The following NPAS3 variants were observed in gnomAD, a reference collection of about 807,000 sequenced individuals.
The protein encoded by NPAS3 is neuronal PAS domain-containing protein 3.
In NPAS3, 14 loss-of-function variants were observed where a neutral mutation model predicts 73.1. That is an observed-to-expected ratio of 0.19 (90% CI 0.13 to 0.30). NPAS3 has a LOEUF of 0.30. Among genes scored for constraint, NPAS3 ranks in the 10% least tolerant of loss-of-function variants. NPAS3 has a pLI of 1.00. For missense variants in NPAS3, 1,096 were observed against 1,250.0 expected (o/e 0.88, Z 1.86); for synonymous variants, 620 against 541.5 (o/e 1.14, Z -2.01).
exon 11 of NPAS3, chr14:33,797,487 C>G (rs369145801): frequency 1.2e-6 from 2 of 1,614,096 alleles, no homozygotes; most frequent in African/African-American, 2.7e-5. Flanking sequence ...CACCCATGGA[C>G]ATCGCACAGC....
chr14:33,439,118 G>C (rs1378643953), intron 4 of NPAS3, among the ~76,000 whole-genome samples: 1 of 151,606 alleles, frequency 6.6e-6, no homozygotes, highest in Non-Finnish European at 1.5e-5. Context: ...AAAATCCAAA[G>C]CATTTTGCAG....
intron 2 of NPAS3, among the ~76,000 whole-genome samples, chr14:33,197,778 G>A (rs771102055): frequency 9.9e-5 from 15 of 152,154 alleles, no homozygotes; most frequent in Non-Finnish European, 2.2e-4. Flanking sequence ...CTGCCATCTT[G>A]AATCCTTTCT....
At chr14:33,657,417 G>A (rs1302181350) in intron 5 of NPAS3, among the ~76,000 whole-genome samples, 1 of 152,184 alleles carries the variant, frequency 6.6e-6, no homozygotes, top group Non-Finnish European at 1.5e-5. Context: ...CAGACATAAA[G>A]AAGCCTGAAT....
chr14:33,631,257 A>G (rs1039092411), intron 5 of NPAS3, among the ~76,000 whole-genome samples: 2 of 152,242 alleles, frequency 1.3e-5, no homozygotes, highest in African/African-American at 2.4e-5. Context: ...AGTGGAGCCC[A>G]CATTTACGTA....
Position 32,984,444 on chromosome 14 carries a change from C to T in NPAS3, c.50+45078C>T, listed in dbSNP as rs535314309. Among the ~76,000 whole-genome samples, 3 of 152,232 alleles carry T rather than the reference C, an allele frequency of 2.0e-5. No homozygotes were observed. In the East Asian group the frequency reaches 5.8e-4, roughly 29 times the overall value. ...TAAGAGGGAAAGAGATGAACTGTAA[C>T]AGAGATCTGGTTTTTCATCAACATT... On this transcript the variant is annotated intron_variant, in intron 1 of 11. Transcript: ENST00000356141.
intron 3 of NPAS3, among the ~76,000 whole-genome samples, chr14:33,365,450 T>A (rs2045799734): frequency 6.6e-6 from 1 of 152,170 alleles, no homozygotes; most frequent in Non-Finnish European, 1.5e-5. Flanking sequence ...ATTAAAATTG[T>A]AAAAACCCTA....
At chr14:33,665,966 G>T (rs2059440098) in intron 5 of NPAS3, among the ~76,000 whole-genome samples, 1 of 152,134 alleles carries the variant, frequency 6.6e-6, no homozygotes, top group Non-Finnish European at 1.5e-5. Context: ...AGGATAAGAA[G>T]TTAGCTCAAA....
intron 3 of NPAS3, among the ~76,000 whole-genome samples, chr14:33,252,689 A>T (rs2048633347): frequency 6.6e-6 from 1 of 151,532 alleles, no homozygotes; most frequent in African/African-American, 2.4e-5. Context: ...TGTTTGTTAC[A>T]TGGGTATATT....
chr14:33,037,758 C>A (rs1429620065), intron 1 of NPAS3, among the ~76,000 whole-genome samples: 1 of 152,164 alleles, frequency 6.6e-6, no homozygotes, highest in African/African-American at 2.4e-5. Flanking sequence ...TGCTTTAGAT[C>A]ATTTGAAAGA....
At chr14:33,448,165 A>T (rs1032009137) in intron 4 of NPAS3, among the ~76,000 whole-genome samples, 1 of 152,214 alleles carries the variant, frequency 6.6e-6, no homozygotes, top group African/African-American at 2.4e-5. Context: ...GATGGGACTG[A>T]TTAGGGTTGA....
In NPAS3 at chr14:33,745,584, CA is replaced by C. The variant is rs1350424364; in HGVS notation, c.852+10253del. Among the ~76,000 whole-genome samples the C allele has an allele frequency of 2.6e-5, 4 of 152,300 alleles. No individual in the cohort carries two copies. In the East Asian group the frequency reaches 7.7e-4, roughly 29 times the overall value. ...AGTGAACACATACAATCCATGTCTA[CA>C]TGTGAAATTTCATGTATAGAGGTGA... On this transcript the variant is annotated intron_variant, in intron 7 of 11. Transcript: ENST00000356141.
Position 33,215,039 on chromosome 14 carries a change from A to G in NPAS3, c.141-143A>G, listed in dbSNP as rs1054427987. On this transcript the variant is annotated intron_variant, in intron 2 of 11. Coordinates refer to ENST00000356141, the Ensembl canonical transcript of NPAS3. ...ATGGCTTTAGTGGACATTTTCTGGA[A>G]CTCATTTTACTGTCACTCTCTAGTT... 5 of 820,868 alleles carry G rather than the reference A, an allele frequency of 6.1e-6. No individual in the cohort carries two copies. The South Asian group carries it at 9.0e-5, about 15-fold the overall frequency. The allele number at this position is 820,868 out of a possible 1,614,324, so 50.8% of individuals were successfully genotyped here.
chr14:33,062,996 T>C (rs2041160836), intron 2 of NPAS3, among the ~76,000 whole-genome samples: 2 of 152,226 alleles, frequency 1.3e-5, no homozygotes, highest in South Asian at 4.1e-4. Flanking sequence ...ATTAAGTCCA[T>C]GCAGTAATGT....
intron 2 of NPAS3, among the ~76,000 whole-genome samples, chr14:33,087,683 G>C (rs1042771885): frequency 6.6e-6 from 1 of 152,076 alleles, no homozygotes; most frequent in Non-Finnish European, 1.5e-5. Flanking sequence ...ATTTATACAA[G>C]TACTAAGTCA....
chr14:33,628,477 C>T (rs935969400), intron 5 of NPAS3, among the ~76,000 whole-genome samples: 1 of 152,110 alleles, frequency 6.6e-6, no homozygotes, highest in African/African-American at 2.4e-5. Context: ...TTAAGACTGC[C>T]GTCAGTACTT....
chr14:33,504,370 C>G (rs187919845), intron 4 of NPAS3, among the ~76,000 whole-genome samples: 49 of 151,954 alleles, frequency 3.2e-4, no homozygotes, highest in African/African-American at 1.2e-3. Flanking sequence ...ATATGTAATG[C>G]GTTTACAAAA....
intron 2 of NPAS3, among the ~76,000 whole-genome samples, chr14:33,082,577 T>G (rs548735278): frequency 6.6e-6 from 1 of 152,316 alleles, no homozygotes; most frequent in South Asian, 2.1e-4. Flanking sequence ...ATAAGTTGTA[T>G]TTATCAAAAT....
At chr14:33,041,343 G>A (rs1430513116) in intron 1 of NPAS3, among the ~76,000 whole-genome samples, 1 of 152,104 alleles carries the variant, frequency 6.6e-6, no homozygotes. Flanking sequence ...AGATATTTAT[G>A]AAGGTAATAA....
chr14:33,082,051 C>A, intron 2 of NPAS3, among the ~76,000 whole-genome samples: 1 of 152,088 alleles, frequency 6.6e-6, no homozygotes, highest in East Asian at 1.9e-4. Context: ...TTAAAGCATC[C>A]GTGGAATGGA....
Sources: gnomAD v4.1 joint callset for allele counts (sites outside exome capture counted in the v4.1 genomes callset) on GRCh38, gnomAD v4.1.1 for gene constraint, MANE v1.5 for transcripts, NCBI Gene and HGNC (gene_info 2026-07-23, HGNC 2026-07-21) for gene names.